CDH13: variants seen among roughly 807,000 people sequenced by gnomAD.
CDH13 encodes cadherin-13.
Under a neutral mutation model 63.8 loss-of-function variants are expected in CDH13, and 24 were observed. The ratio of observed to expected loss-of-function variants is 0.38; its 90% CI spans 0.27 to 0.53. CDH13 has a LOEUF of 0.53. Among genes scored for constraint, CDH13 ranks in the 20% least tolerant of loss-of-function variants. The pLI is 0.85. For missense variants in CDH13, 1,049 were observed against 903.1 expected (o/e 1.16, Z -2.07); for synonymous variants, 503 against 355.3 (o/e 1.42, Z -4.67).
chr16:83,787,013 T>A (rs1915929594), intron 13 of CDH13, among the ~76,000 whole-genome samples: 1 of 152,244 alleles, frequency 6.6e-6, no homozygotes, highest in African/African-American at 2.4e-5. Context: ...AATTAGCTAT[T>A]CATGTGTGTG....
At chr16:83,502,041 C>T (rs1318101053) in intron 7 of CDH13, among the ~76,000 whole-genome samples, 1 of 152,120 alleles carries the variant, frequency 6.6e-6, no homozygotes, top group Non-Finnish European at 1.5e-5. Flanking sequence ...CCTACCTGAG[C>T]CTAGGTTTCT....
chr16:82,705,497 T>C (rs2031417604), intron 1 of CDH13, among the ~76,000 whole-genome samples: 1 of 152,186 alleles, frequency 6.6e-6, no homozygotes. Context: ...ACTCAACTAC[T>C]TTTTGATTGT....
intron 2 of CDH13, among the ~76,000 whole-genome samples, chr16:82,979,597 G>A (rs1047673618): frequency 6.6e-5 from 10 of 152,132 alleles, no homozygotes; most frequent in Admixed American, 2.0e-4. Context: ...AAAAGGATGT[G>A]TTTGCTTCCT....
intron 2 of CDH13, among the ~76,000 whole-genome samples, chr16:82,973,116 A>C (rs1038335875): frequency 6.6e-6 from 1 of 152,148 alleles, no homozygotes; most frequent in African/African-American, 2.4e-5. Context: ...GATTGGATTT[A>C]TTTAGAACAA....
intron 2 of CDH13, among the ~76,000 whole-genome samples, chr16:82,920,256 C>G (rs755501874): frequency 3.3e-5 from 5 of 152,308 alleles, no homozygotes; most frequent in Middle Eastern, 3.4e-3. Flanking sequence ...CCTTCCCAAA[C>G]CTCTTACATG....
At chr16:83,245,657 G>C (rs1904916882) in intron 5 of CDH13, among the ~76,000 whole-genome samples, 1 of 152,178 alleles carries the variant, frequency 6.6e-6, no homozygotes, top group Admixed American at 6.5e-5. Flanking sequence ...GATTACATAA[G>C]GTTAGAGCTT....
chr16:82,700,502 C>A (rs1386713907), intron 1 of CDH13, among the ~76,000 whole-genome samples: 1 of 143,892 alleles, frequency 6.9e-6, no homozygotes, highest in African/African-American at 2.6e-5. Flanking sequence ...AAGGAAGATA[C>A]AAGAATTAGG....
chr16:83,737,100 G>A (rs889029571), intron 10 of CDH13, among the ~76,000 whole-genome samples: 2 of 152,178 alleles, frequency 1.3e-5, no homozygotes, highest in Non-Finnish European at 2.9e-5. Flanking sequence ...CTGCAGGCAC[G>A]CTGGTAATTC....
chr16:83,299,045 A>T (rs763608354), intron 5 of CDH13, among the ~76,000 whole-genome samples: 2 of 152,224 alleles, frequency 1.3e-5, no homozygotes, highest in African/African-American at 4.8e-5. Flanking sequence ...AAAGATAAGC[A>T]ATGTCAGTAT....
chr16:83,150,599 G>T (rs2036935973), intron 4 of CDH13, among the ~76,000 whole-genome samples: 1 of 152,208 alleles, frequency 6.6e-6, no homozygotes. Context: ...CCTCCAGGAA[G>T]CTGTCTCCAA....
chr16:83,495,953 G>A (rs1030184570), intron 7 of CDH13, among the ~76,000 whole-genome samples: 1 of 151,616 alleles, frequency 6.6e-6, no homozygotes, highest in Non-Finnish European at 1.5e-5. Flanking sequence ...AACTGACAAG[G>A]GATGTGAAGG....
At chr16:83,120,497 A>T (rs556682339) in intron 3 of CDH13, among the ~76,000 whole-genome samples, 19 of 152,346 alleles carry the variant, frequency 1.2e-4, no homozygotes, top group Admixed American at 1.2e-3. Context: ...ATACATTGTC[A>T]TCATGAACTG....
At chr16:83,471,168 G>A (rs988936574) in intron 6 of CDH13, among the ~76,000 whole-genome samples, 47 of 151,920 alleles carry the variant, frequency 3.1e-4, no homozygotes, top group Middle Eastern at 3.4e-3. Context: ...GATCTTTAAT[G>A]ACATTGACTA....
chr16:83,341,858 G>A (rs113562999), intron 5 of CDH13, among the ~76,000 whole-genome samples: 2,396 of 152,050 alleles, frequency 0.016, 54 homozygotes, highest in African/African-American at 0.051. Flanking sequence ...CTATTCCTGC[G>A]GTCTAGAAAT....
chr16:82,738,629 C>T (rs2033794479), intron 1 of CDH13, among the ~76,000 whole-genome samples: 1 of 152,204 alleles, frequency 6.6e-6, no homozygotes, highest in Admixed American at 6.5e-5. Flanking sequence ...TAGAAAGATA[C>T]CTTTCAGGTT....
chr16:83,684,759 A>T (rs948325141), intron 10 of CDH13, among the ~76,000 whole-genome samples: 1 of 152,074 alleles, frequency 6.6e-6, no homozygotes, highest in Admixed American at 6.5e-5. Context: ...TTTTTTTTGG[A>T]AAGGGTCATT....
intron 2 of CDH13, among the ~76,000 whole-genome samples, chr16:82,926,830 T>A (rs1455586512): frequency 6.6e-6 from 1 of 152,232 alleles, no homozygotes; most frequent in African/African-American, 2.4e-5. Flanking sequence ...GTGATGAAGA[T>A]GTTGTATTAA....
intron 5 of CDH13, among the ~76,000 whole-genome samples, chr16:83,273,891 A>C (rs953248207): frequency 6.6e-6 from 1 of 152,118 alleles, no homozygotes; most frequent in African/African-American, 2.4e-5. Context: ...TTGGTACTGA[A>C]CCTGGTTTCT....
intron 6 of CDH13, among the ~76,000 whole-genome samples, chr16:83,456,697 C>T (rs989713111): frequency 1.3e-5 from 2 of 152,174 alleles, no homozygotes; most frequent in South Asian, 4.1e-4. Context: ...GCGCAGGGTT[C>T]ATGACCGTAA....
Sources: allele counts gnomAD v4.1 joint callset (sites outside exome capture counted in the v4.1 genomes callset), GRCh38; gene constraint gnomAD v4.1.1; transcripts MANE v1.5; gene names NCBI Gene and HGNC (gene_info 2026-07-23, HGNC 2026-07-21).